ZNF569: variants seen among roughly 807,000 people sequenced by gnomAD.
The protein encoded by ZNF569 is DNA-binding protein.
ZNF569 carries 38 observed loss-of-function variants against 56.3 expected under a neutral mutation model. The observed-to-expected ratio is 0.68, with a 90% CI of 0.52 to 0.88. The LOEUF is 0.88. Among genes scored for constraint, ZNF569 ranks in the 40% least tolerant of loss-of-function variants. The pLI, the probability that ZNF569 is intolerant of heterozygous loss-of-function variation, is 0.00. For synonymous variants in ZNF569, 241 were observed against 262.9 expected, an observed-to-expected ratio of 0.92 and a Z score of 0.81; for missense variants, 666 against 809.2, an observed-to-expected ratio of 0.82 and a Z score of 2.15.
At chr19:37,429,013 G>A (rs2146898497) in intron 3 of ZNF569, among the ~76,000 whole-genome samples, 1 of 152,084 alleles carries the variant, frequency 6.6e-6, no homozygotes, top group Non-Finnish European at 1.5e-5. Flanking sequence ...AGGTTAAAGG[G>A]AAACATAAGC....
chr19:37,418,101 AAATAATAATAATAAT>A (rs199794961), intron 5 of ZNF569, among the ~76,000 whole-genome samples: 1 of 143,292 alleles, frequency 7.0e-6, no homozygotes, highest in African/African-American at 2.6e-5. Context: ...ACTCCATCTC[AAATAATAATAATAAT>A]AATAATAATA....
intron 2 of ZNF569, among the ~76,000 whole-genome samples, chr19:37,446,200 A>T (rs1813177968): frequency 6.6e-6 from 1 of 152,210 alleles, no homozygotes; most frequent in Non-Finnish European, 1.5e-5. Flanking sequence ...TAAAGTGGGG[A>T]AAGGAAACCC....
Position 37,412,411 on chromosome 19 carries a change from G to T in ZNF569, c.*186C>A. On this transcript the variant is annotated 3_prime_UTR_variant, in exon 6 of 6. Transcript: ENST00000316950. Reference sequence around the variant, plus strand: ...ATAAGATGTCTGCTGAAAGTTTCTGGTAACAGCTTTTTCATTATATAATTT... The same window carrying T: ...ATAAGATGTCTGCTGAAAGTTTCTGTTAACAGCTTTTTCATTATATAATTT... 3.8e-6 allele frequency: 4 copies of T among 1,061,606 alleles called. No homozygotes were observed. The highest frequency in any genetic ancestry group is 3.7e-6 in the Non-Finnish European group (3 of 816,390). 65.8% of individuals were successfully genotyped at this position (1,061,606 alleles called of 1,614,324 possible).
chr19:37,419,118 C>T (rs562703901), intron 5 of ZNF569, among the ~76,000 whole-genome samples: 11 of 152,096 alleles, frequency 7.2e-5, no homozygotes, highest in Admixed American at 4.6e-4. Context: ...TGTTCATGTC[C>T]GTTTAATAGG....
At chr19:37,422,659 C>T (rs1005837088) in intron 5 of ZNF569, among the ~76,000 whole-genome samples, 12 of 151,992 alleles carry the variant, frequency 7.9e-5, no homozygotes, top group East Asian at 3.8e-4. Flanking sequence ...TGTATAAATG[C>T]ATGAGGAAGA....
At chr19:37,443,735 A>C (rs966649945) in intron 3 of ZNF569, among the ~76,000 whole-genome samples, 2 of 151,944 alleles carry the variant, frequency 1.3e-5, no homozygotes, top group African/African-American at 2.4e-5. Context: ...GGCCGGGCGC[A>C]GTGGCTCACA....
rs2040862684 is a variant in ZNF569 at position 37,412,953 on chromosome 19, T to C, written c.1705A>G (p.Met569Val). 3 of 1,613,290 alleles carry C rather than the reference T, an allele frequency of 1.9e-6. No individual in the cohort carries two copies. Among genetic ancestry groups the C allele is most frequent in the South Asian group, 1.1e-5 (1 of 91,004 alleles). The change falls in exon 6 of 6, where the codon ATG becomes GTG. Residue 569 changes from methionine to valine, a missense_variant. Met to Val is a conservative substitution (Grantham distance 21, BLOSUM62 1). Transcript: ENST00000316950. ...FSQCSLLNLHMRSHTGEKPYV... is the reference protein window; with the variant it reads ...FSQCSLLNLHVRSHTGEKPYV... ...GGCTTCTCACCTGTGTGACTTCTCA[T>C]ATGTAAATTAAGCAGTGAGCACTGA...
intron 3 of ZNF569, among the ~76,000 whole-genome samples, chr19:37,428,680 T>C (rs1203189098): frequency 6.6e-6 from 1 of 151,686 alleles, no homozygotes; most frequent in Non-Finnish European, 1.5e-5. Flanking sequence ...TGAATTTTTT[T>C]TTTTTTTTTT....
chr19:37,457,679 G>T (rs2041695211), intron 2 of ZNF569, among the ~76,000 whole-genome samples: 1 of 142,768 alleles, frequency 7.0e-6, no homozygotes. Flanking sequence ...ACACACTGGG[G>T]CCTGTCATGG....
chr19:37,413,022 CT>C lies in ZNF569; in HGVS notation c.1635del (p.Glu547LysfsTer23). The C allele has an allele frequency of 1.2e-6, 2 of 1,613,934 alleles. No individual in the cohort carries two copies. The highest frequency in any genetic ancestry group is 1.7e-6 in the Non-Finnish European group (2 of 1,179,942). ...TTATCACATTCATAAGGCTTTTCCC[CT>C]GTATGACTTCTCAAATGAAGGGTAA... ...ASLTLHLRSH[T>X]GEKPYECDKC... On this transcript the variant is annotated frameshift_variant, in exon 6 of 6. Coordinates refer to ENST00000316950, the MANE Select transcript of ZNF569 (RefSeq NM_152484.3). LOFTEE classifies it high-confidence loss of function.
intron 2 of ZNF569, among the ~76,000 whole-genome samples, chr19:37,457,078 AT>A (rs1352008811): frequency 6.6e-6 from 1 of 151,842 alleles, no homozygotes; most frequent in Non-Finnish European, 1.5e-5. Context: ...GCATTGCCAC[AT>A]TTTTCTACCT....
At chr19:37,461,756 C>T (rs931480893) in intron 2 of ZNF569, among the ~76,000 whole-genome samples, 2 of 152,154 alleles carry the variant, frequency 1.3e-5, no homozygotes, top group African/African-American at 4.8e-5. Context: ...GCCTAAAATC[C>T]ACAGTCAAAA....
At chr19:37,448,134 A>C (rs1213358568) in intron 2 of ZNF569, among the ~76,000 whole-genome samples, 1 of 152,204 alleles carries the variant, frequency 6.6e-6, no homozygotes, top group Admixed American at 6.5e-5. Context: ...ATATTCTGGA[A>C]AAGTTTGTAT....
intron 2 of ZNF569, among the ~76,000 whole-genome samples, chr19:37,446,226 G>T (rs1352822594): frequency 6.6e-6 from 1 of 152,122 alleles, no homozygotes; most frequent in African/African-American, 2.4e-5. Flanking sequence ...AACAAATGGT[G>T]CTGGGATAAT....
chr19:37,430,196 A>C (rs199868267), intron 3 of ZNF569, among the ~76,000 whole-genome samples: 6 of 81,992 alleles, frequency 7.3e-5, no homozygotes, highest in African/African-American at 4.8e-4. Flanking sequence ...CCCTATCTCA[A>C]AAAAAAAAAA....
intron 5 of ZNF569, among the ~76,000 whole-genome samples, chr19:37,417,146 G>T (rs922460893): frequency 1.3e-5 from 2 of 152,190 alleles, no homozygotes; most frequent in African/African-American, 2.4e-5. Context: ...AATGTCTGGG[G>T]ATACCAGAAG....
upstream of ZNF569, chr19:37,469,043 A>G (rs934359420): frequency 4.3e-4 from 427 of 991,676 alleles, 1 homozygote; most frequent in Non-Finnish European, 4.5e-4. Context: ...GGAGGCGCGC[A>G]GAGCGCTTGT....
chr19:37,462,078 A>G (rs2041765842), intron 2 of ZNF569, among the ~76,000 whole-genome samples: 1 of 151,914 alleles, frequency 6.6e-6, no homozygotes, highest in African/African-American at 2.4e-5. Flanking sequence ...TCCTCCACCA[A>G]TCTCACTCTC....
At chr19:37,434,098 G>A (rs117173078) in intron 3 of ZNF569, among the ~76,000 whole-genome samples, 1,724 of 151,142 alleles carry the variant, frequency 0.011, 17 homozygotes, top group Middle Eastern at 0.017. Context: ...GTCAACAGAT[G>A]AGACCATTCT....
Sources: gnomAD v4.1 joint callset for allele counts (sites outside exome capture counted in the v4.1 genomes callset) on GRCh38, gnomAD v4.1.1 for gene constraint, MANE v1.5 for transcripts, NCBI Gene and HGNC (gene_info 2026-07-23, HGNC 2026-07-21) for gene names.